Variants in CDC42BPG observed in about 807,000 individuals in gnomAD.
CDC42BPG encodes serine/threonine-protein kinase MRCK gamma.
A neutral mutation model predicts 192.2 loss-of-function variants in CDC42BPG; 157 were observed. The ratio of observed to expected loss-of-function variants is 0.82; its 90% CI spans 0.72 to 0.93. The LOEUF (loss-of-function observed/expected upper bound fraction) is 0.93. Ranked by LOEUF, CDC42BPG falls within the 40% of genes least tolerant of loss-of-function variation. The probability of loss-of-function intolerance (pLI) is 0.00; values close to 1 mark genes in which losing one functional copy is unlikely to be tolerated. For synonymous variants in CDC42BPG, 981 were observed against 918.5 expected (o/e 1.07, Z -1.23); for missense variants, 1,992 against 2,122.1 (o/e 0.94, Z 1.20).
rs369095803 is a variant in CDC42BPG at position 64,836,183 on chromosome 11, C to T, written c.1602G>A (p.Ala534=). Residue 534 remains alanine (A), a synonymous_variant, in exon 13 of 37, where the codon GCG becomes GCA. Coordinates refer to ENST00000342711, the MANE Select transcript of CDC42BPG (RefSeq NM_017525.3). The stretch of plus-strand genomic sequence containing the variant: ...GGGCCCGGGTCTGGCTAGCTGTGGC[C>T]GCCTCTCTCTCCTGGGCCTCCTGTA... ...QRLQEAQERE[A]ATASQTRALS... 1.8e-5 allele frequency: 28 copies of T among 1,595,676 alleles called. No individual in the cohort carries two copies. The highest frequency in any genetic ancestry group is 4.0e-5 in the African/African-American group (3 of 74,638).
chr11:64,835,962 G>A (rs1942965502), intron 13 of CDC42BPG, 111 bp from the exon 14 acceptor site: 8 of 1,289,854 alleles, frequency 6.2e-6, no homozygotes, highest in Admixed American at 2.1e-5. Flanking sequence ...AGGAGGCATG[G>A]ACTCCCAGAC....
intron 3 of CDC42BPG, among the ~76,000 whole-genome samples, 160 bp from the exon 4 acceptor site, chr11:64,840,808 A>C (rs1943247920): frequency 6.6e-6 from 1 of 152,082 alleles, no homozygotes; most frequent in South Asian, 2.1e-4. Flanking sequence ...GCCCAAGCCC[A>C]CGCTCTACAG....
Position 64,834,319 on chromosome 11 carries a change from AG to A in CDC42BPG, c.2359del (p.Leu787CysfsTer26). On this transcript the variant is annotated frameshift_variant, in exon 20 of 37. Transcript: ENST00000342711. LOFTEE classifies it high-confidence loss of function. Reference protein sequence around the residue: ...LQEAEKQSQALQQELAMLREE... With the variant: ...LQEAEKQSQAXQQELAMLREE... ...CCGCAGCATGGCGAGCTCCTGTTGC[AG>A]GGCCTGGCTCTGCTTCTCGGCCTCC... is the stretch of plus-strand genomic sequence containing the variant. 6.3e-7 allele frequency: 1 copy of A among 1,578,298 alleles called. No individual in the cohort carries two copies. The highest frequency in any genetic ancestry group is 8.6e-7 in the Non-Finnish European group (1 of 1,166,326).
intron 9 of CDC42BPG, among the ~76,000 whole-genome samples, 185 bp downstream of exon 9, chr11:64,837,898 G>A (rs968844571): frequency 6.6e-6 from 1 of 152,224 alleles, no homozygotes; most frequent in African/African-American, 2.4e-5. Flanking sequence ...GCTGGCATGT[G>A]GCCCAGCAGG....
chr11:64,842,319 G>C, intron 1 of CDC42BPG, among the ~76,000 whole-genome samples: 1 of 152,184 alleles, frequency 6.6e-6, no homozygotes, highest in Non-Finnish European at 1.5e-5. Flanking sequence ...GCCTGTCTTA[G>C]GAAACTGGAC....
intron 12 of CDC42BPG, 28 bp from the exon 13 acceptor site, chr11:64,836,324 AGG>A: frequency 6.2e-7 from 1 of 1,608,656 alleles, no homozygotes; most frequent in East Asian, 2.2e-5. Flanking sequence ...GGAGCGGGGA[AGG>A]ACAAGGCCCA....
At chr11:64,832,130 G>A (rs932782233) in intron 27 of CDC42BPG, among the ~76,000 whole-genome samples, 1 of 152,236 alleles carries the variant, frequency 6.6e-6, no homozygotes, top group African/African-American at 2.4e-5. Context: ...CTTCAGAACT[G>A]GAGAGAGCAA....
Position 64,826,666 on chromosome 11 carries a change from C to T in CDC42BPG, c.4513+5G>A, listed in dbSNP as rs1478275551. ...GCACACTGGAGGCTGAGGGGCTGCC[C>T]TTACTGGGGTCTGCGTCTCCACCGA... On this transcript the variant is annotated splice_donor_5th_base_variant and intron_variant, in intron 35 of 36. Transcript: ENST00000342711. 1.9e-6 allele frequency: 3 copies of T among 1,575,348 alleles called. No individual in the cohort carries two copies. The highest frequency in any genetic ancestry group is 2.7e-5 in the African/African-American group (2 of 74,340).
Position 64,836,571 on chromosome 11 carries a change from C to T in CDC42BPG, c.1385-41G>A, listed in dbSNP as rs1326020673. ...ACTGAGACCTCGAGTGCTGGCGGCC[C>T]CAGCCTCTCAGCCCAGGAGCAAGTC... On this transcript the variant is annotated intron_variant, in intron 11 of 36. Transcript: ENST00000342711. 8 of 1,569,682 alleles carry T rather than the reference C, an allele frequency of 5.1e-6. No individual in the cohort carries two copies. In the South Asian group the frequency reaches 8.9e-5, roughly 17 times the overall value.
In CDC42BPG at chr11:64,835,079, G is replaced by A; in HGVS notation, c.2028C>T (p.Asn676=). 7.4e-7 allele frequency: 1 copy of A among 1,352,482 alleles called. No individual in the cohort carries two copies. Among genetic ancestry groups the A allele is most frequent in the African/African-American group, 1.5e-5 (1 of 65,476 alleles). 83.8% of individuals were successfully genotyped at this position (1,352,482 alleles called of 1,614,324 possible). The change falls in exon 17 of 37, where the codon AAC becomes AAT. Residue 676 remains asparagine (N), a synonymous_variant. Coordinates refer to ENST00000342711, the MANE Select transcript of CDC42BPG (RefSeq NM_017525.3). ...LEGERRETES[N]WEAQLADILS... is the part of the protein sequence containing the mutation. Reference sequence around the variant, plus strand: ...GGATGTCGGCGAGCTGGGCCTCCCAGTTGCTCTCCGTCTCCCGCCGCTCAC... The same window carrying A: ...GGATGTCGGCGAGCTGGGCCTCCCAATTGCTCTCCGTCTCCCGCCGCTCAC...
chr11:64,826,067 G>GGA (rs376019863), intron 36 of CDC42BPG, among the ~76,000 whole-genome samples: 6 of 134,006 alleles, frequency 4.5e-5, no homozygotes, highest in African/African-American at 8.6e-5. Flanking sequence ...ACTCCATCTG[G>GGA]AAAAAAAAAA....
Position 64,833,227 on chromosome 11 carries a change from T to C in CDC42BPG, c.2731+4A>G. ...GCTGGAGCATAGTGGGTGGGGACTC[T>C]CACCATCACAACCCAGGCCCTGGCG... On this transcript the variant is annotated splice_donor_region_variant and intron_variant, in intron 24 of 36. Coordinates refer to ENST00000342711, the MANE Select transcript of CDC42BPG (RefSeq NM_017525.3). 6.5e-7 allele frequency: 1 copy of C among 1,544,204 alleles called. No homozygotes were observed. The highest frequency in any genetic ancestry group is 1.4e-5 in the African/African-American group (1 of 73,054).
At position 64,826,665 on chromosome 11, in the gene CDC42BPG, C is replaced by G. The variant is rs201808737; in HGVS notation, c.4513+6G>C. On this transcript the variant is annotated splice_donor_region_variant and intron_variant, in intron 35 of 36. Transcript: ENST00000342711. ...GGCACACTGGAGGCTGAGGGGCTGC[C>G]CTTACTGGGGTCTGCGTCTCCACCG... The G allele has an allele frequency of 7.6e-4, 1,202 of 1,577,760 alleles. No individual in the cohort carries two copies. The highest frequency in any genetic ancestry group is 1.0e-3 in the Non-Finnish European group (1,159 of 1,161,806).
Position 64,827,105 on chromosome 11 carries a change from T to C in CDC42BPG, c.4334A>G (p.His1445Arg), listed in dbSNP as rs1170868990. The C allele has an allele frequency of 3.7e-5, 60 of 1,613,508 alleles. No individual in the cohort carries two copies. The highest frequency in any genetic ancestry group is 5.1e-5 in the Non-Finnish European group (60 of 1,179,804). The change falls in exon 34 of 37, where the codon CAC becomes CGC. Residue 1445 changes from histidine (H) to arginine (R), a missense_variant. Around this residue, in one of 2 missense-constraint regions of CDC42BPG, gnomAD observed 336 missense variants for 277.9 expected, o/e 1.21. Transcript: ENST00000342711. The stretch of plus-strand genomic sequence containing the variant: ...GTTGGCAGGGCCCACGTGTACTAGG[T>C]GGTTGAAGTTGGTAGGCGGCGAGAT... ...KLISPPTNFN[H>R]LVHVGPANGR...
chr11:64,828,803 G>C (rs1167852732), intron 30 of CDC42BPG, among the ~76,000 whole-genome samples: 1 of 152,202 alleles, frequency 6.6e-6, no homozygotes, highest in Non-Finnish European at 1.5e-5. Context: ...TGTAATCCCA[G>C]CACTTTGGGA....
Position 64,824,501 on chromosome 11 carries a change from A to G in CDC42BPG, c.4628T>C (p.Leu1543Pro). Reference protein sequence around the residue: ...QVSERPRSLPLSPELESSP With the variant: ...QVSERPRSLPPSPELESSP The stretch of plus-strand genomic sequence containing the variant: ...AGGAGAGCTCTCCAATTCAGGGGAT[A>G]GGGGGAGGCTTCGGGGCCGTTCTGA... Residue 1543 changes from leucine (L) to proline (P), a missense_variant, in exon 37 of 37, where the codon CTA becomes CCA. Physicochemically the swap from Leu to Pro is moderately conservative, Grantham distance 98 (BLOSUM62 -3). Around this residue, in one of 2 missense-constraint regions of CDC42BPG, gnomAD observed 336 missense variants for 277.9 expected, o/e 1.21. Transcript: ENST00000342711. 1 of 1,607,826 alleles carries G rather than the reference A, an allele frequency of 6.2e-7. No individual in the cohort carries two copies. The highest frequency in any genetic ancestry group is 8.5e-7 in the Non-Finnish European group (1 of 1,174,226).
rs183688629 is a variant in CDC42BPG at position 64,839,659 on chromosome 11, T to C, written c.582-88A>G. ...CACGCCCAGGTGCACATGCACGGTG[T>C]GTGCCAGCACCAGCTCACACACATT... is the stretch of plus-strand genomic sequence containing the variant. On this transcript the variant is annotated intron_variant, in intron 5 of 36. Transcript: ENST00000342711. 2.8e-6 allele frequency: 3 copies of C among 1,073,822 alleles called. No homozygotes were observed. The East Asian group carries it at 7.7e-5, about 28-fold the overall frequency. The allele number at this position is 1,073,822 out of a possible 1,614,324, so 66.5% of individuals were successfully genotyped here.
At position 64,835,772 on chromosome 11, in the gene CDC42BPG, G is replaced by T. The variant is rs1337259094; in HGVS notation, c.1748C>A (p.Ser583Tyr). The T allele has an allele frequency of 1.2e-6, 2 of 1,613,390 alleles. No individual in the cohort carries two copies. The highest frequency in any genetic ancestry group is 1.7e-6 in the Non-Finnish European group (2 of 1,179,954). ...GQWEQRLEES[S>Y]QAKTIHTASE... is the part of the protein sequence containing the mutation. ...GGAGGACTTGACTACCTTGGCCTGG[G>T]ACGACTCCTCAAGGCGTTGCTCCCA... The change falls in exon 14 of 37, where the codon TCC becomes TAC. Residue 583 changes from serine (S) to tyrosine (Y), a missense_variant. Around this residue, in one of 2 missense-constraint regions of CDC42BPG, gnomAD observed 1,656 missense variants for 1,844.3 expected, o/e 0.90. Coordinates refer to ENST00000342711, the MANE Select transcript of CDC42BPG (RefSeq NM_017525.3).
intron 1 of CDC42BPG, among the ~76,000 whole-genome samples, chr11:64,842,348 C>T (rs1943317864): frequency 6.6e-6 from 1 of 152,176 alleles, no homozygotes. Flanking sequence ...TTCCTTATCC[C>T]CAGAGAGGCT....
Sources: gnomAD v4.1 joint callset for allele counts (sites outside exome capture counted in the v4.1 genomes callset) on GRCh38, gnomAD v4.1.1 for gene constraint, gnomAD v4.1.1 regional missense constraint, MANE v1.5 for transcripts, NCBI Gene and HGNC (gene_info 2026-07-23, HGNC 2026-07-21) for gene names.